NDRG2: variants seen among roughly 807,000 people sequenced by gnomAD.
NDRG2 encodes NDRG family member 2.
A neutral mutation model predicts 58.2 loss-of-function variants in NDRG2; 34 were observed. The observed-to-expected ratio is 0.58, with a 90% CI of 0.44 to 0.78. NDRG2 has a LOEUF of 0.78. NDRG2 is among the 30% of genes least tolerant of loss of function. The pLI is 0.00. For synonymous variants in NDRG2, 187 were observed against 175.9 expected, an observed-to-expected ratio of 1.06 and a Z score of -0.50; for missense variants, 434 against 471.2, an observed-to-expected ratio of 0.92 and a Z score of 0.73.
intron 1 of NDRG2, chr14:21,030,879 G>A: frequency 6.6e-7 from 1 of 1,506,484 alleles, no homozygotes; most frequent in Non-Finnish European, 9.0e-7. Flanking sequence ...CTGGCGCTGT[G>A]CTATCCTTTG....
At chr14:21,054,942 C>T (rs373787232) in intron 1 of NDRG2, among the ~76,000 whole-genome samples, 18 of 152,124 alleles carry the variant, frequency 1.2e-4, no homozygotes, top group African/African-American at 4.3e-4. Flanking sequence ...CCTCCTGCTG[C>T]TGCTGTACAG....
At chr14:21,021,474 G>A (rs1880261752) in intron 6 of NDRG2, 1 of 329,890 alleles carries the variant, frequency 3.0e-6, no homozygotes, top group South Asian at 3.2e-5. Flanking sequence ...GGAGAGGGGA[G>A]TGGGAGAGAA....
At chr14:21,065,576 G>A (rs1156555047) in intron 1 of NDRG2, among the ~76,000 whole-genome samples, 2 of 152,156 alleles carry the variant, frequency 1.3e-5, no homozygotes, top group Non-Finnish European at 2.9e-5. Flanking sequence ...ATGCTATGAA[G>A]AAAATACAAC....
At position 21,024,620 on chromosome 14, in the gene NDRG2, G is replaced by A; in HGVS notation, c.-597C>T. On this transcript the variant is annotated 5_prime_UTR_variant, in exon 1 of 16. Coordinates refer to ENST00000556147, the MANE Select transcript of NDRG2 (RefSeq NM_001320329.2). ...CTCAGTCTCCGTGTAGGTCCCACGA[G>A]TGGAGAAAGGGAGAGGAGAGCGGTC... The A allele has an allele frequency of 1.0e-6, 1 of 985,458 alleles. No individual in the cohort carries two copies. Among genetic ancestry groups the A allele is most frequent in the Non-Finnish European group, 1.2e-6 (1 of 829,964 alleles). 61.0% of individuals were successfully genotyped at this position (985,458 alleles called of 1,614,324 possible). A position where few individuals can be genotyped will look rare whatever the true frequency, so the allele number is the denominator to read the frequency against.
chr14:21,056,673 G>C (rs769722901), intron 1 of NDRG2, among the ~76,000 whole-genome samples: 13 of 152,332 alleles, frequency 8.5e-5, no homozygotes, highest in South Asian at 8.3e-4. Context: ...ACTCTGCTCT[G>C]CTCCTATGGG....
At chr14:21,067,105 T>A (rs186485239) in intron 1 of NDRG2, among the ~76,000 whole-genome samples, 8 of 152,236 alleles carry the variant, frequency 5.3e-5, no homozygotes, top group African/African-American at 1.7e-4. Context: ...CAACCCTCCA[T>A]AAGATGGCAG....
chr14:21,045,875 C>A (rs1417138151), intron 1 of NDRG2, among the ~76,000 whole-genome samples: 1 of 152,116 alleles, frequency 6.6e-6, no homozygotes, highest in African/African-American at 2.4e-5. Flanking sequence ...GGGGAGCCTT[C>A]TGAGGACCTG....
intron 1 of NDRG2, among the ~76,000 whole-genome samples, chr14:21,069,128 G>T (rs1299598221): frequency 6.6e-6 from 1 of 152,212 alleles, no homozygotes; most frequent in East Asian, 1.9e-4. Context: ...TCACGGAGCT[G>T]CGGGGCTTCC....
intron 4 of NDRG2, 23 bp from the exon 5 acceptor site, chr14:21,022,205 C>T: frequency 3.7e-6 from 6 of 1,614,096 alleles, no homozygotes; most frequent in Non-Finnish European, 5.1e-6. Context: ...CACATCACCT[C>T]AACAATAGAA....
upstream of NDRG2, chr14:21,025,529 T>G (rs886812796): frequency 1.0e-5 from 10 of 985,164 alleles, no homozygotes; most frequent in African/African-American, 1.7e-4. The surrounding 1 kb of genome is among the most constrained non-coding windows in gnomAD (Gnocchi z 5.1). Flanking sequence ...AGAACTAGAT[T>G]AAGAAAGGAG....
chr14:21,051,731 G>T (rs548092072), intron 1 of NDRG2, among the ~76,000 whole-genome samples: 1 of 152,188 alleles, frequency 6.6e-6, no homozygotes, highest in African/African-American at 2.4e-5. Context: ...CCATGTGATG[G>T]AGCTCTGCTT....
At chr14:21,031,015 C>G (rs1884069800) in intron 1 of NDRG2, 2 of 1,606,180 alleles carry the variant, frequency 1.2e-6, no homozygotes, top group East Asian at 2.2e-5. Flanking sequence ...TGACCAGGGC[C>G]AAGAACGCCC....
intron 5 of NDRG2, 78 bp downstream of exon 5, chr14:21,021,984 C>T: frequency 6.2e-7 from 1 of 1,612,196 alleles, no homozygotes; most frequent in Admixed American, 1.7e-5. Flanking sequence ...CCCTCCCTTT[C>T]CTCCTCCCCA....
At chr14:21,025,670 C>T (rs1435131666), upstream of NDRG2, 13 of 984,746 alleles carry the variant, frequency 1.3e-5, no homozygotes, top group South Asian at 4.7e-5. This position sits in a 1 kb window ranked among gnomAD's most constrained non-coding sequence, Gnocchi z 5.1. Context: ...GCCCAGAGTC[C>T]TGGTACCTCT....
chr14:21,031,123 T>G (rs768105284), intron 1 of NDRG2: 4 of 1,614,156 alleles, frequency 2.5e-6, no homozygotes, highest in Non-Finnish European at 2.5e-6. Flanking sequence ...AGAACATTTA[T>G]GGACTCATGG....
intron 1 of NDRG2, among the ~76,000 whole-genome samples, chr14:21,034,494 C>T (rs1335003638): frequency 6.6e-6 from 1 of 152,214 alleles, no homozygotes; most frequent in South Asian, 2.1e-4. Flanking sequence ...CCCTGCTCCC[C>T]TGGTCCACCA....
intron 8 of NDRG2, 78 bp downstream of exon 8, chr14:21,020,418 G>T: frequency 1.8e-5 from 19 of 1,074,850 alleles, no homozygotes; most frequent in Middle Eastern, 2.1e-4. Context: ...CATCCAGTTA[G>T]GCTATCTACC....
Position 21,051,410 on chromosome 14 carries a change from C to T in NDRG2, c.24+19418G>A, listed in dbSNP as rs116434197. On this transcript the variant is annotated intron_variant, in intron 1 of 14. Transcript: ENST00000403829. The stretch of plus-strand genomic sequence containing the variant: ...ATTCCTAGCAGGGCTGAAGGCTGCA[C>T]GCAGCCTTGTTGTGGTAAGTCAGAG... Among the ~76,000 whole-genome samples, 1,346 of 152,254 alleles carry T rather than the reference C, an allele frequency of 8.8e-3. 25 individuals carry two copies. Among genetic ancestry groups the T allele is most frequent in the African/African-American group, 0.03 (1,253 of 41,526 alleles).
intron 1 of NDRG2, among the ~76,000 whole-genome samples, chr14:21,052,309 C>A (rs1477470275): frequency 2.0e-5 from 3 of 152,170 alleles, no homozygotes; most frequent in African/African-American, 7.2e-5. Flanking sequence ...GATGCTCTTA[C>A]TGGATGAAAG....
Sources: gnomAD v4.1 joint callset for allele counts (sites outside exome capture counted in the v4.1 genomes callset) on GRCh38, gnomAD v4.1.1 for gene constraint, Gnocchi (gnomAD v3.1) non-coding constraint, MANE v1.5 for transcripts, NCBI Gene and HGNC (gene_info 2026-07-23, HGNC 2026-07-21) for gene names.